The following HACD2 variants were observed in gnomAD, a reference collection of about 807,000 sequenced individuals.
HACD2 encodes very-long-chain (3R)-3-hydroxyacyl-CoA dehydratase 2.
In HACD2, 15 loss-of-function variants were observed where a neutral mutation model predicts 31.0. That is an observed-to-expected ratio of 0.48 (90% CI 0.32 to 0.75). HACD2 has a LOEUF of 0.75. Ranked by LOEUF, HACD2 falls within the 30% of genes least tolerant of loss-of-function variation. HACD2 has a pLI of 0.03. For missense variants in HACD2, 283 were observed against 313.0 expected (o/e 0.90, Z 0.72); for synonymous variants, 115 against 122.2 (o/e 0.94, Z 0.39).
In HACD2 at chr3:123,582,307, G is replaced by C. The variant is rs1236540945; in HGVS notation, c.178C>G (p.Leu60Val). Residue 60 changes from leucine (L) to valine (V), a missense_variant, in exon 2 of 7, where the codon CTG (leucine) becomes GTG (valine). Physicochemically the swap from Leu to Val is conservative, Grantham distance 32. Transcript: ENST00000383657. ...TAGWLVIAVGLVRAYLAKGSY... is the reference protein window; with the variant it reads ...TAGWLVIAVGVVRAYLAKGSY... ...CCCTTAGCCAGGTATGCTCGGACCAGACCAACCGCTATAACCAGCCACCTA... is the reference window on the plus strand; with the variant it reads ...CCCTTAGCCAGGTATGCTCGGACCACACCAACCGCTATAACCAGCCACCTA... 1.3e-6 allele frequency: 2 copies of C among 1,596,022 alleles called. No individual in the cohort carries two copies. Among genetic ancestry groups the C allele is most frequent in the Admixed American group, 1.8e-5 (1 of 56,826 alleles).
At chr3:123,536,477 A>G (rs926943271) in intron 3 of HACD2, among the ~76,000 whole-genome samples, 20 of 152,218 alleles carry the variant, frequency 1.3e-4, no homozygotes, top group Non-Finnish European at 2.5e-4. Context: ...CCAGGGGGAA[A>G]GTCAAAGATT....
chr3:123,531,903 T>C (rs2056366400), intron 3 of HACD2, among the ~76,000 whole-genome samples: 1 of 152,196 alleles, frequency 6.6e-6, no homozygotes, highest in Admixed American at 6.5e-5. Context: ...TAATGAAGCA[T>C]TACAAATAAC....
At chr3:123,525,302 T>C (rs1395083260) in intron 4 of HACD2, among the ~76,000 whole-genome samples, 1 of 152,252 alleles carries the variant, frequency 6.6e-6, no homozygotes, top group East Asian at 1.9e-4. Context: ...ATTCTTTTTT[T>C]CTTTTCTTGC....
intron 3 of HACD2, among the ~76,000 whole-genome samples, chr3:123,539,592 AC>A (rs2056464737): frequency 6.6e-6 from 1 of 152,170 alleles, no homozygotes; most frequent in South Asian, 2.1e-4. Flanking sequence ...AATTAAAAAA[AC>A]GTATGGTAGA....
chr3:123,533,663 T>C (rs1194973400), intron 3 of HACD2, among the ~76,000 whole-genome samples: 1 of 152,254 alleles, frequency 6.6e-6, no homozygotes, highest in Non-Finnish European at 1.5e-5. Flanking sequence ...AAAAAAGATG[T>C]ACCAGACATC....
At chr3:123,534,214 G>A (rs951273407) in intron 3 of HACD2, among the ~76,000 whole-genome samples, 6 of 152,146 alleles carry the variant, frequency 3.9e-5, no homozygotes, top group African/African-American at 1.4e-4. Context: ...TAGTGAAGTT[G>A]GGAGACTGGC....
In HACD2 at chr3:123,571,011, CAT is replaced by C. The variant is rs1481574639; in HGVS notation, c.274-3233_274-3232del. On this transcript the variant is annotated intron_variant, in intron 2 of 6. Coordinates refer to ENST00000383657, the MANE Select transcript of HACD2 (RefSeq NM_198402.5). ...TGAAAGAAATACAATGAAATCCCTACATATCATGTGTCTCCAATAATTTAATA... is the reference window on the plus strand; with the variant it reads ...TGAAAGAAATACAATGAAATCCCTACATCATGTGTCTCCAATAATTTAATA... Among the ~76,000 whole-genome samples, 5 of 151,796 alleles carry C rather than the reference CAT, an allele frequency of 3.3e-5. No homozygotes were observed. The East Asian group carries it at 9.7e-4, about 30-fold the overall frequency.
At chr3:123,571,330 G>A (rs984230985) in intron 2 of HACD2, among the ~76,000 whole-genome samples, 1 of 152,180 alleles carries the variant, frequency 6.6e-6, no homozygotes, top group Non-Finnish European at 1.5e-5. Context: ...TAGGGATTTT[G>A]CAAGTGTAAT....
intron 4 of HACD2, among the ~76,000 whole-genome samples, chr3:123,521,784 T>C (rs1045314368): frequency 3.9e-5 from 6 of 152,176 alleles, no homozygotes; most frequent in African/African-American, 1.4e-4. Context: ...AACTATTACT[T>C]GGCAAAGAGG....
At chr3:123,533,368 C>T (rs1258018224) in intron 3 of HACD2, among the ~76,000 whole-genome samples, 7 of 152,224 alleles carry the variant, frequency 4.6e-5, no homozygotes, top group South Asian at 2.1e-4. Flanking sequence ...AGGCTGGTCT[C>T]GAACTCCTAA....
intron 4 of HACD2, among the ~76,000 whole-genome samples, chr3:123,506,879 C>T (rs889515573): frequency 1.3e-5 from 2 of 152,080 alleles, no homozygotes; most frequent in African/African-American, 4.8e-5. Context: ...TGAGGGGCAA[C>T]GGATTTGGAT....
chr3:123,518,982 G>C (rs1423891821), intron 4 of HACD2, among the ~76,000 whole-genome samples: 3 of 126,202 alleles, frequency 2.4e-5, no homozygotes, highest in Non-Finnish European at 4.8e-5. Flanking sequence ...GGATGACAGA[G>C]TGAGACTCCA....
chr3:123,531,674 T>C (rs1422834626), intron 3 of HACD2, among the ~76,000 whole-genome samples: 3 of 152,230 alleles, frequency 2.0e-5, no homozygotes, highest in Admixed American at 6.5e-5. Context: ...ATTTAGTGTA[T>C]TTCTCACCAG....
chr3:123,500,432 G>T, intron 6 of HACD2, 83 bp downstream of exon 6: 1 of 866,940 alleles, frequency 1.2e-6, no homozygotes, highest in Non-Finnish European at 1.8e-6. Context: ...CTTGGATATA[G>T]TGCAAAGACA....
rs199584661 is a variant in HACD2 at position 123,563,636 on chromosome 3, AAT to A, written c.292+4124_292+4125del. On this transcript the variant is annotated intron_variant, in intron 3 of 6. Coordinates refer to ENST00000383657, the MANE Select transcript of HACD2 (RefSeq NM_198402.5). ...TTCTTCTTTTTTGAATTGACAAAAA[AAT>A]ATATATACACACACACACACACACA... is the stretch of plus-strand genomic sequence containing the variant. Among the ~76,000 whole-genome samples, 698 of 90,846 alleles carry A rather than the reference AAT, an allele frequency of 7.7e-3. 3 individuals are homozygous for A. Among genetic ancestry groups the A allele is most frequent in the African/African-American group, 0.03 (502 of 16,532 alleles). The allele number at this position is 90,846 out of a possible 152,430, so 59.6% of individuals were successfully genotyped here.
chr3:123,503,002 G>A (rs950534293), intron 4 of HACD2: 2 of 230,408 alleles, frequency 8.7e-6, no homozygotes, highest in South Asian at 8.1e-5. Flanking sequence ...CAGTGGTCAC[G>A]CCTGTAATCC....
rs1008014886 is a variant in HACD2 at position 123,533,959 on chromosome 3, T to A, written c.293-5485A>T. 3.3e-5 allele frequency among the ~76,000 whole-genome samples: 5 copies of A among 152,186 alleles called. No individual in the cohort carries two copies. The South Asian group carries it at 1.0e-3, about 31-fold the overall frequency. On this transcript the variant is annotated intron_variant, in intron 3 of 6. Transcript: ENST00000383657. ...AAGGTTATAACTTGAGAAATAGTTA[T>A]GGGAATTTATGTTGAAAGGGCAATG... is the stretch of plus-strand genomic sequence containing the variant.
rs959847954 is a variant in HACD2, at chr3:123,560,295, A to C, written c.292+7467T>G. Among the ~76,000 whole-genome samples, 44 of 152,222 alleles carry C rather than the reference A, an allele frequency of 2.9e-4. 1 individual carries two copies. The highest frequency in any genetic ancestry group is 8.2e-4 in the African/African-American group (34 of 41,462). ...CTGATTTGGGAAAGATTAAAGTTTG[A>C]ATATGACCACTTATGGTCTTGACCG... On this transcript the variant is annotated intron_variant, in intron 3 of 6. Transcript: ENST00000383657.
intron 5 of HACD2, among the ~76,000 whole-genome samples, chr3:123,501,414 G>A (rs1305199398): frequency 6.6e-6 from 1 of 152,158 alleles, no homozygotes; most frequent in Non-Finnish European, 1.5e-5. Flanking sequence ...GCCACTATAA[G>A]TATTGCTAAA....
Sources: allele counts gnomAD v4.1 joint callset (sites outside exome capture counted in the v4.1 genomes callset), GRCh38; gene constraint gnomAD v4.1.1; transcripts MANE v1.5; gene names NCBI Gene and HGNC (gene_info 2026-07-23, HGNC 2026-07-21).